The following SYNE2 variants were observed in gnomAD, a reference collection of about 807,000 sequenced individuals.
The protein encoded by SYNE2 is nesprin-2.
Under a neutral mutation model 856.3 loss-of-function variants are expected in SYNE2, and 431 were observed. The observed-to-expected ratio is 0.50, with a 90% CI of 0.47 to 0.55. SYNE2 has a LOEUF of 0.55. SYNE2 is among the 20% of genes least tolerant of loss of function. The pLI is 0.00. For missense variants in SYNE2, 8,129 were observed against 8,023.2 expected, an observed-to-expected ratio of 1.01 and a Z score of -0.50; for synonymous variants, 2,923 against 2,872.3, an observed-to-expected ratio of 1.02 and a Z score of -0.56.
intron 1 of SYNE2, among the ~76,000 whole-genome samples, chr14:63,867,954 G>A (rs1455250812): frequency 6.6e-6 from 1 of 152,108 alleles, no homozygotes; most frequent in African/African-American, 2.4e-5. Flanking sequence ...GGAGACTAAG[G>A]TGGGAAGATC....
chr14:64,063,590 T>C (rs2097334235), intron 50 of SYNE2, among the ~76,000 whole-genome samples: 1 of 152,240 alleles, frequency 6.6e-6, no homozygotes, highest in South Asian at 2.1e-4. Flanking sequence ...GGTTACTTCT[T>C]AGACTGTTAC....
intron 1 of SYNE2, among the ~76,000 whole-genome samples, chr14:63,820,579 A>G (rs968300942): frequency 7.9e-5 from 12 of 152,172 alleles, no homozygotes; most frequent in African/African-American, 1.4e-4. Context: ...TTTCTCTTCA[A>G]AAAACACTGC....
At position 64,175,111 on chromosome 14, in the gene SYNE2, G is replaced by C; in HGVS notation, c.17403G>C (p.Met5801Ile). ...ACATGGAGCCCCAGCTGGCAGAGAT[G>C]ATTAAGCAGTTCCAGAGCACTGTAG... Reference protein sequence around the residue: ...WKDMEPQLAEMIKQFQSTVET... With the variant: ...WKDMEPQLAEIIKQFQSTVET... Residue 5801 changes from methionine (M) to isoleucine (I), a missense_variant, in exon 95 of 116, where the codon ATG (methionine) becomes ATC (isoleucine). Around this residue, in one of 3 missense-constraint regions of SYNE2, gnomAD observed 5,410 missense variants for 5,284.8 expected, o/e 1.02. Coordinates refer to ENST00000555002, the MANE Select transcript of SYNE2 (RefSeq NM_182914.3). 1.2e-6 allele frequency: 2 copies of C among 1,614,000 alleles called. No homozygotes were observed. Among genetic ancestry groups the C allele is most frequent in the Non-Finnish European group, 8.5e-7 (1 of 1,179,946 alleles).
rs768232076 is a variant in SYNE2, at chr14:64,186,498, G to T, written c.17631G>T (p.Arg5877=). Residue 5877 remains arginine, a synonymous_variant, in exon 97 of 116, where the codon CGG becomes CGT. Transcript: ENST00000555002. ...AAACTATGAAGGCGGACTTAACCCG[G>T]CACGTTCTCGTGGAAGATGTGATGG... The part of the protein sequence containing the change: ...ELQTMKADLT[R]HVLVEDVMVL... 6.2e-7 allele frequency: 1 copy of T among 1,614,228 alleles called. No individual in the cohort carries two copies. Among genetic ancestry groups the T allele is most frequent in the East Asian group, 2.2e-5 (1 of 44,890 alleles).
rs1426147182 is a variant in SYNE2, at chr14:64,053,611, T to C, written c.9698T>C (p.Phe3233Ser). ...ASDVETKLRE[F>S]EDLQMQLNTS... ...GATGTGGAGACAAAACTACGTGAGT[T>C]TGAAGATCTTCAGATGCAGCTTAAC... Residue 3233 changes from phenylalanine to serine, a missense_variant, in exon 48 of 116, where the codon TTT becomes TCT. This residue lies in a region of SYNE2 where 5,410 missense variants were observed against 5,284.8 expected (regional missense o/e 1.02). Coordinates refer to ENST00000555002, the MANE Select transcript of SYNE2 (RefSeq NM_182914.3). 4 of 1,612,870 alleles carry C rather than the reference T, an allele frequency of 2.5e-6. No individual in the cohort carries two copies. The highest frequency in any genetic ancestry group is 3.3e-4 in the Middle Eastern group (2 of 6,074).
intron 35 of SYNE2, 62 bp from the exon 36 acceptor site, chr14:64,021,253 A>G: frequency 7.9e-7 from 1 of 1,270,346 alleles, no homozygotes. Flanking sequence ...CTAGCAATGC[A>G]GTTGTCTTAA....
At chr14:64,025,082 A>C (rs769461971) in intron 40 of SYNE2, 48 bp from the exon 41 acceptor site, 6 of 1,614,044 alleles carry the variant, frequency 3.7e-6, no homozygotes, top group Non-Finnish European at 5.1e-6. Flanking sequence ...GGTTTCTTCC[A>C]TGGTGTGGTT....
chr14:64,212,686 T>G (rs762789705), intron 104 of SYNE2, 125 bp from the exon 105 acceptor site: 20 of 863,036 alleles, frequency 2.3e-5, no homozygotes, highest in Non-Finnish European at 3.4e-5. Flanking sequence ...AAAGCTAGAG[T>G]AGTAGGTGAA....
At chr14:64,091,155 A>T (rs2097609633) in intron 60 of SYNE2, 107 bp downstream of exon 60, 1 of 1,048,144 alleles carries the variant, frequency 9.5e-7, no homozygotes, top group South Asian at 1.4e-5. Context: ...TTATTGTAGG[A>T]GGTGGCATTT....
At chr14:64,196,835 T>C (rs1002574945) in intron 99 of SYNE2, 1 of 152,258 alleles carries the variant, frequency 6.6e-6, no homozygotes, top group African/African-American at 2.4e-5. Context: ...ATTTGTTTAC[T>C]GGAAGGAAGA....
At position 64,048,078 on chromosome 14, in the gene SYNE2, C is replaced by CGGA. The variant is rs1321658103; in HGVS notation, c.7301_7303dup (p.Arg2434dup). On this transcript the variant is annotated inframe_insertion, in exon 46 of 116. Coordinates refer to ENST00000555002, the MANE Select transcript of SYNE2 (RefSeq NM_182914.3). Reference sequence around the variant, plus strand: ...AAGCATGAAAAACACTGAAGATGAGCGGAAAGTCAATGAGCTGCAAAATCA... The same window carrying CGGA: ...AAGCATGAAAAACACTGAAGATGAGCGGAGGAAAGTCAATGAGCTGCAAAATCA... The CGGA allele has an allele frequency of 6.2e-7, 1 of 1,613,218 alleles. No homozygotes were observed. The highest frequency in any genetic ancestry group is 8.5e-7 in the Non-Finnish European group (1 of 1,179,596).
chr14:64,123,182 ATGTGCCAACGCC>A (rs2097911627), intron 70 of SYNE2, among the ~76,000 whole-genome samples: 1 of 151,978 alleles, frequency 6.6e-6, no homozygotes, highest in Non-Finnish European at 1.5e-5. Context: ...GGAATCTACC[ATGTGCCAACGCC>A]TGTGCCGATG....
At position 64,223,171 on chromosome 14, in the gene SYNE2, CACTT is replaced by C. The variant is rs748191236; in HGVS notation, c.20191-17_20191-14del. On this transcript the variant is annotated splice_polypyrimidine_tract_variant and intron_variant, in intron 112 of 115. Transcript: ENST00000555002. ...CCTTTGGACAGGTCACTGTTTCACA[CACTT>C]TATCTGTTTTCAGCAACTGGAAAAG... is the stretch of plus-strand genomic sequence containing the variant. 5.0e-6 allele frequency: 8 copies of C among 1,612,872 alleles called. No homozygotes were observed. Among genetic ancestry groups the C allele is most frequent in the South Asian group, 2.2e-5 (2 of 90,666 alleles).
At chr14:64,152,451 A>G (rs756754939) in intron 84 of SYNE2, 113 bp from the exon 85 acceptor site, 9 of 1,015,610 alleles carry the variant, frequency 8.9e-6, no homozygotes, top group East Asian at 5.2e-5. Flanking sequence ...ATGCTATTTA[A>G]TTATATAATC....
At chr14:64,042,335 A>G (rs1439041393) in intron 45 of SYNE2, among the ~76,000 whole-genome samples, 1 of 152,250 alleles carries the variant, frequency 6.6e-6, no homozygotes, top group Non-Finnish European at 1.5e-5. Context: ...AGACTTTAGA[A>G]CAGTGGTTCT....
chr14:63,954,460 A>G (rs1263930080), intron 7 of SYNE2, among the ~76,000 whole-genome samples: 3 of 152,148 alleles, frequency 2.0e-5, no homozygotes, highest in South Asian at 2.1e-4. Context: ...GAGAATTTAC[A>G]TTTCTAACAC....
chr14:64,005,877 G>A (rs2096792228), intron 30 of SYNE2, among the ~76,000 whole-genome samples: 2 of 152,156 alleles, frequency 1.3e-5, no homozygotes, highest in South Asian at 2.1e-4. Flanking sequence ...ATACTCAGGG[G>A]CACTCCTTAT....
intron 68 of SYNE2, 132 bp downstream of exon 68, chr14:64,121,193 C>A: frequency 7.9e-7 from 1 of 1,272,204 alleles, no homozygotes; most frequent in Non-Finnish European, 1.1e-6. Context: ...TGTTCGAGGC[C>A]AGCCTGGGCA....
chr14:64,080,607 G>A lies in SYNE2; in HGVS notation c.11315G>A (p.Arg3772Lys), dbSNP rs1422414024. 4.3e-6 allele frequency: 7 copies of A among 1,614,074 alleles called. No individual in the cohort carries two copies. In the South Asian group the frequency reaches 6.6e-5, roughly 15 times the overall value. The change falls in exon 56 of 116, where the codon AGA (arginine) becomes AAA (lysine). Residue 3772 changes from arginine to lysine, a missense_variant. Physicochemically the swap from Arg to Lys is conservative, Grantham distance 26. Transcript: ENST00000555002. ...CAGCAGTATCAGCAAGTATCACAGAGAGCAGAGTGTAGAACCTCACAGTTG... is the reference window on the plus strand; with the variant it reads ...CAGCAGTATCAGCAAGTATCACAGAAAGCAGAGTGTAGAACCTCACAGTTG... ...PFQQYQQVSQ[R>K]AECRTSQLNK... is the part of the protein sequence containing the mutation.
Sources: gnomAD v4.1 joint callset for allele counts (sites outside exome capture counted in the v4.1 genomes callset) on GRCh38, gnomAD v4.1.1 for gene constraint, gnomAD v4.1.1 regional missense constraint, MANE v1.5 for transcripts, NCBI Gene and HGNC (gene_info 2026-07-23, HGNC 2026-07-21) for gene names.